The following DYNC2I1 variants were observed in gnomAD, a reference collection of about 807,000 sequenced individuals.
The protein encoded by DYNC2I1 is dynein 2 intermediate chain 1, also known as cytoplasmic dynein 2 intermediate chain 1.
In DYNC2I1, 89 loss-of-function variants were observed where a neutral mutation model predicts 133.4. That is an observed-to-expected ratio of 0.67 (90% CI 0.56 to 0.80). DYNC2I1 has a LOEUF of 0.80. Among genes scored for constraint, DYNC2I1 ranks in the 30% least tolerant of loss-of-function variants. The pLI is 0.00. For missense variants in DYNC2I1, 1,291 were observed against 1,314.5 expected, an observed-to-expected ratio of 0.98 and a Z score of 0.28; for synonymous variants, 504 against 484.3, an observed-to-expected ratio of 1.04 and a Z score of -0.54.
chr7:158,926,069 G>C (rs1849584548), intron 17 of DYNC2I1, 118 bp from the exon 18 acceptor site: 5 of 761,622 alleles, frequency 6.6e-6, no homozygotes, highest in Non-Finnish European at 1.1e-5. Context: ...GGGAAGATGT[G>C]TGGAGAGAGT....
intron 23 of DYNC2I1, among the ~76,000 whole-genome samples, chr7:158,938,184 A>C (rs1222194123): frequency 6.6e-6 from 1 of 152,224 alleles, no homozygotes; most frequent in Non-Finnish European, 1.5e-5. Flanking sequence ...TCAGACTCTC[A>C]AAGGTGAAGG....
chr7:158,898,109 A>G (rs976913993), intron 8 of DYNC2I1, among the ~76,000 whole-genome samples: 4 of 152,226 alleles, frequency 2.6e-5, no homozygotes, highest in African/African-American at 9.6e-5. Context: ...GAGCAGATGT[A>G]TAATTTCCAT....
intron 7 of DYNC2I1, among the ~76,000 whole-genome samples, chr7:158,889,036 TACACACACACACACACAC>T (rs71200077): frequency 3.6e-4 from 51 of 141,300 alleles, no homozygotes; most frequent in African/African-American, 1.3e-3. Flanking sequence ...TTTAAACATT[TACACACACACACACACAC>T]ACACACACAC....
chr7:158,944,619 C>G (rs1404673764), intron 24 of DYNC2I1, among the ~76,000 whole-genome samples: 1 of 152,202 alleles, frequency 6.6e-6, no homozygotes, highest in East Asian at 1.9e-4. Context: ...CTCTGCCGCC[C>G]CACGTCCTGT....
chr7:158,895,434 A>C (rs1845673313), intron 8 of DYNC2I1, among the ~76,000 whole-genome samples: 1 of 152,134 alleles, frequency 6.6e-6, no homozygotes, highest in African/African-American at 2.4e-5. Flanking sequence ...CTCCCTTTTC[A>C]AAGATCAGTT....
chr7:158,896,157 T>C (rs534295189), intron 8 of DYNC2I1, among the ~76,000 whole-genome samples: 3 of 152,330 alleles, frequency 2.0e-5, no homozygotes, highest in East Asian at 1.9e-4. Flanking sequence ...TGAGATGATA[T>C]AGTCTTTGTT....
chr7:158,921,928 G>A (rs1849139222), intron 15 of DYNC2I1, among the ~76,000 whole-genome samples: 1 of 152,222 alleles, frequency 6.6e-6, no homozygotes, highest in Admixed American at 6.5e-5. Context: ...GTGGAGCAGT[G>A]TCTGGAACGG....
chr7:158,893,855 C>A (rs13310620), intron 8 of DYNC2I1, among the ~76,000 whole-genome samples: 1 of 151,694 alleles, frequency 6.6e-6, no homozygotes, highest in African/African-American at 2.4e-5. Flanking sequence ...CATATCCTAC[C>A]ACATATTGTA....
At chr7:158,892,306 T>C (rs544639776) in intron 8 of DYNC2I1, among the ~76,000 whole-genome samples, 1 of 152,350 alleles carries the variant, frequency 6.6e-6, no homozygotes, top group South Asian at 2.1e-4. Context: ...CAGCAGGCGT[T>C]GTATTTACTG....
chr7:158,852,959 T>C, upstream of DYNC2I1, among the ~76,000 whole-genome samples: 1 of 152,224 alleles, frequency 6.6e-6, no homozygotes. Context: ...TTTTTGTTTG[T>C]TGGCTTTTTA....
At chr7:158,934,250 A>C in intron 22 of DYNC2I1, 22 bp downstream of exon 22, 2 of 1,587,290 alleles carry the variant, frequency 1.3e-6, no homozygotes, top group South Asian at 2.3e-5. Context: ...TTTAAATTTA[A>C]TCCTATTACT....
At chr7:158,898,463 G>A (rs558259280) in intron 8 of DYNC2I1, among the ~76,000 whole-genome samples, 17 of 152,248 alleles carry the variant, frequency 1.1e-4, no homozygotes, top group African/African-American at 3.9e-4. Flanking sequence ...CATAAAATTG[G>A]CATCTTTATC....
At chr7:158,873,738 C>T (rs955633914) in intron 3 of DYNC2I1, among the ~76,000 whole-genome samples, 3 of 152,068 alleles carry the variant, frequency 2.0e-5, no homozygotes, top group Admixed American at 6.5e-5. Context: ...TCTCCAGGCT[C>T]GCACCACTGC....
intron 11 of DYNC2I1, among the ~76,000 whole-genome samples, chr7:158,907,560 T>TTTTCCTTTCCCTTTCCCTTTCCGTTCCC (rs1846967292): frequency 1.3e-5 from 2 of 151,926 alleles, no homozygotes; most frequent in African/African-American, 2.4e-5. Context: ...TCCCTTTCCC[T>TTTTCCTTTCCCTTTCCCTTTCCGTTCCC]TTTCCTTTCC....
At position 158,889,445 on chromosome 7, in the gene DYNC2I1, A is replaced by T. The variant is rs200007522; in HGVS notation, c.991-1820A>T. Among the ~76,000 whole-genome samples, 7 of 151,696 alleles carry T rather than the reference A, an allele frequency of 4.6e-5. No homozygotes were observed. The East Asian group carries it at 1.4e-3, about 29-fold the overall frequency. ...AGTTTGGACGATATAGATCTACCGC[A>T]TTTTTTTTGTGGATACATTTCTTGA... is the stretch of plus-strand genomic sequence containing the variant. On this transcript the variant is annotated intron_variant, in intron 7 of 24. Coordinates refer to ENST00000407559, the MANE Select transcript of DYNC2I1 (RefSeq NM_018051.5).
intron 1 of DYNC2I1, among the ~76,000 whole-genome samples, chr7:158,864,032 G>C (rs1274097231): frequency 1.4e-5 from 2 of 143,594 alleles, no homozygotes; most frequent in Non-Finnish European, 3.0e-5. Flanking sequence ...CCTTAGCTCT[G>C]GGTGTGGCGG....
At position 158,914,146 on chromosome 7, in the gene DYNC2I1, G is replaced by A. The variant is rs979777259; in HGVS notation, c.1703-87G>A. On this transcript the variant is annotated intron_variant, in intron 13 of 24. Transcript: ENST00000407559. ...CTTCTGGGACTCTTAATGTTGATTTGTTAGGCCTGTTTGAACTCTTAAGAT... is the reference window on the plus strand; with the variant it reads ...CTTCTGGGACTCTTAATGTTGATTTATTAGGCCTGTTTGAACTCTTAAGAT... 24 of 1,059,482 alleles carry A rather than the reference G, an allele frequency of 2.3e-5. No homozygotes were observed. The East Asian group carries it at 6.1e-4, about 27-fold the overall frequency. The allele number at this position is 1,059,482 out of a possible 1,614,324, so 65.6% of individuals were successfully genotyped here.
At chr7:158,899,073 A>G (rs192274375) in intron 8 of DYNC2I1, among the ~76,000 whole-genome samples, 3 of 152,318 alleles carry the variant, frequency 2.0e-5, no homozygotes, top group African/African-American at 4.8e-5. Context: ...AAAATCTGCA[A>G]ACGCTCAAGT....
the DYNC2I1 span, among the ~76,000 whole-genome samples, chr7:158,843,855 G>C: frequency 6.6e-6 from 1 of 152,064 alleles, no homozygotes; most frequent in Non-Finnish European, 1.5e-5. Flanking sequence ...TTCCAAAGAG[G>C]GTTTTGGGAA....
Sources: gnomAD v4.1 joint callset for allele counts (sites outside exome capture counted in the v4.1 genomes callset) on GRCh38, gnomAD v4.1.1 for gene constraint, MANE v1.5 for transcripts, NCBI Gene and HGNC (gene_info 2026-07-23, HGNC 2026-07-21) for gene names.